SIK3: variants seen among roughly 807,000 people sequenced by gnomAD.
SIK3 encodes the protein serine/threonine-protein kinase SIK3.
Under a neutral mutation model 144.2 loss-of-function variants are expected in SIK3, and 28 were observed. The observed-to-expected ratio is 0.19, with a 90% CI of 0.14 to 0.27. The LOEUF (loss-of-function observed/expected upper bound fraction) is 0.27, where lower values mean the gene tolerates loss of function less well. Among genes scored for constraint, SIK3 ranks in the 10% least tolerant of loss-of-function variants. SIK3 has a pLI of 1.00. For missense variants in SIK3, 1,319 were observed against 1,776.0 expected (o/e 0.74, Z 4.62); for synonymous variants, 686 against 676.3 (o/e 1.01, Z -0.22).
At position 117,051,553 on chromosome 11, in the gene SIK3, G is replaced by A. The variant is rs373793717; in HGVS notation, c.273+46590C>T. On this transcript the variant is annotated intron_variant, in intron 1 of 24. Transcript: ENST00000445177. ...TCCTTGTTTTTTGTTTTTTGAGACCGAGTCTCCCTCAGTCACCCAGGCTGG... is the reference window on the plus strand; with the variant it reads ...TCCTTGTTTTTTGTTTTTTGAGACCAAGTCTCCCTCAGTCACCCAGGCTGG... Among the ~76,000 whole-genome samples, 91 of 151,622 alleles carry A rather than the reference G, an allele frequency of 6.0e-4. 2 individuals are homozygous for A. Among genetic ancestry groups the A allele is most frequent in the African/African-American group, 2.0e-3 (84 of 41,332 alleles).
intron 1 of SIK3, among the ~76,000 whole-genome samples, chr11:117,068,862 TTTCCTA>T (rs1247753308): frequency 6.6e-6 from 1 of 152,202 alleles, no homozygotes; most frequent in Non-Finnish European, 1.5e-5. Flanking sequence ...TAAACCACAT[TTTCCTA>T]TTCTCTAATT....
At chr11:116,929,853 C>A (rs1947500757) in intron 3 of SIK3, among the ~76,000 whole-genome samples, 1 of 152,202 alleles carries the variant, frequency 6.6e-6, no homozygotes, top group Admixed American at 6.5e-5. Flanking sequence ...CAATAGAGCA[C>A]AAAGTCCTTC....
At chr11:117,087,070 A>C (rs2134053311) in intron 1 of SIK3, among the ~76,000 whole-genome samples, 2 of 151,910 alleles carry the variant, frequency 1.3e-5, no homozygotes, top group Admixed American at 1.3e-4. Context: ...TCTTCCCTTC[A>C]GCAATTTCTC....
At chr11:117,021,960 A>AAAAAAAAAAAAAAC (rs1951794877) in intron 1 of SIK3, among the ~76,000 whole-genome samples, 2 of 139,802 alleles carry the variant, frequency 1.4e-5, no homozygotes, top group African/African-American at 2.6e-5. Flanking sequence ...AAAAAAAAAA[A>AAAAAAAAAAAAAAC]ACCTAAAAAT....
chr11:116,922,377 G>C (rs1947033428), intron 4 of SIK3, among the ~76,000 whole-genome samples: 1 of 152,152 alleles, frequency 6.6e-6, no homozygotes, highest in South Asian at 2.1e-4. Flanking sequence ...TGTAGTCCCA[G>C]CTACTTGGGA....
intron 1 of SIK3, among the ~76,000 whole-genome samples, chr11:117,013,358 G>A (rs1238310632): frequency 2.0e-5 from 3 of 152,048 alleles, no homozygotes; most frequent in Non-Finnish European, 4.4e-5. Context: ...AGGGCATGGT[G>A]CCACACGCCT....
intron 1 of SIK3, among the ~76,000 whole-genome samples, chr11:116,988,393 A>G (rs1676233158): frequency 6.6e-6 from 1 of 151,896 alleles, no homozygotes; most frequent in Admixed American, 6.6e-5. Flanking sequence ...CTCAAAAAAA[A>G]AGAAAAAAAG....
At chr11:116,860,282 G>A (rs1324736641) in intron 19 of SIK3, among the ~76,000 whole-genome samples, 3 of 151,568 alleles carry the variant, frequency 2.0e-5, no homozygotes, top group South Asian at 2.1e-4. Context: ...TCTGGAATAC[G>A]ACCTGAGATC....
chr11:116,953,818 G>A (rs573769861), intron 3 of SIK3, among the ~76,000 whole-genome samples: 3 of 152,298 alleles, frequency 2.0e-5, no homozygotes, highest in Non-Finnish European at 2.9e-5. Context: ...AACTGTCAGC[G>A]CCTGACTGAA....
At chr11:116,876,784 G>A in intron 7 of SIK3, 140 bp downstream of exon 7, 1 of 689,590 alleles carries the variant, frequency 1.5e-6, no homozygotes, top group East Asian at 2.7e-5. Flanking sequence ...CTTCTTGCTT[G>A]CTTCACGTGC....
intron 1 of SIK3, among the ~76,000 whole-genome samples, chr11:117,042,512 C>T (rs1952790238): frequency 1.3e-5 from 2 of 152,172 alleles, no homozygotes; most frequent in African/African-American, 4.8e-5. Flanking sequence ...TCCTCGTATA[C>T]TTAACACACA....
At position 116,858,490 on chromosome 11, in the gene SIK3, G is replaced by A. The variant is rs749862991; in HGVS notation, c.2975C>T (p.Thr992Met). Residue 992 changes from threonine to methionine, a missense_variant, in exon 21 of 25, where the codon ACG becomes ATG. Thr to Met is a moderately conservative substitution (Grantham distance 81, BLOSUM62 -1). Around this residue, in one of 8 missense-constraint regions of SIK3, gnomAD observed 646 missense variants for 763.7 expected, o/e 0.85. Coordinates refer to ENST00000445177, the MANE Select transcript of SIK3 (RefSeq NM_001366686.3). This position sits in a 1 kb window ranked among gnomAD's most constrained non-coding sequence, Gnocchi z 5.4. ...SAHQQPPHYT[T>M]SALQQALLSP... ...CAGCAGGGCCTGCTGTAGTGCCGAC[G>A]TGGTATAGTGTGGCGGCTGCTGATG... The A allele has an allele frequency of 5.6e-6, 9 of 1,609,044 alleles. No homozygotes were observed. Among genetic ancestry groups the A allele is most frequent in the South Asian group, 3.3e-5 (3 of 90,240 alleles).
chr11:116,996,323 A>G (rs894948867), intron 1 of SIK3, among the ~76,000 whole-genome samples: 3 of 152,086 alleles, frequency 2.0e-5, no homozygotes, highest in African/African-American at 7.2e-5. Context: ...AAAATAGAAG[A>G]AGGAACAAAA....
intron 1 of SIK3, among the ~76,000 whole-genome samples, chr11:117,097,670 C>A (rs900304386): frequency 5.3e-5 from 8 of 152,056 alleles, no homozygotes; most frequent in Non-Finnish European, 8.8e-5. Flanking sequence ...CCAGTCCGTG[C>A]CCCAGCCGTC....
chr11:117,095,422 G>A (rs1955432536), intron 1 of SIK3, among the ~76,000 whole-genome samples: 1 of 151,942 alleles, frequency 6.6e-6, no homozygotes, highest in African/African-American at 2.4e-5. Context: ...ACAGATGGGG[G>A]AAAAAAATAA....
At chr11:117,012,371 C>T (rs1951299485) in intron 1 of SIK3, among the ~76,000 whole-genome samples, 1 of 152,184 alleles carries the variant, frequency 6.6e-6, no homozygotes, top group African/African-American at 2.4e-5. Flanking sequence ...CCAATGGCCC[C>T]TGCTTGGCTT....
intron 21 of SIK3, among the ~76,000 whole-genome samples, chr11:116,853,456 C>T (rs1942623759): frequency 6.6e-6 from 1 of 152,334 alleles, no homozygotes; most frequent in African/African-American, 2.4e-5. Context: ...GTGGGATGAT[C>T]GTCCGATCAC....
intron 15 of SIK3, 39 bp from the exon 16 acceptor site, chr11:116,863,857 A>T: frequency 1.3e-6 from 2 of 1,540,062 alleles, no homozygotes; most frequent in African/African-American, 1.4e-5. Flanking sequence ...GCTAGGACTC[A>T]GGGGCTTTGA....
chr11:116,999,388 T>TA (rs905935686), intron 1 of SIK3, among the ~76,000 whole-genome samples: 5 of 152,166 alleles, frequency 3.3e-5, no homozygotes, highest in African/African-American at 7.2e-5. Flanking sequence ...CAATTCTTTC[T>TA]AAAAAAAATT....
Sources: allele counts gnomAD v4.1 joint callset (sites outside exome capture counted in the v4.1 genomes callset), GRCh38; gene constraint gnomAD v4.1.1; regional missense constraint gnomAD v4.1.1; non-coding constraint Gnocchi (gnomAD v3.1); transcripts MANE v1.5; gene names NCBI Gene and HGNC (gene_info 2026-07-23, HGNC 2026-07-21).